NELL1: variants seen among roughly 807,000 people sequenced by gnomAD.
The protein encoded by NELL1 is neural EGFL like 1.
In NELL1, 76 loss-of-function variants were observed where a neutral mutation model predicts 107.4. The observed-to-expected ratio is 0.71, with a 90% CI of 0.59 to 0.86. NELL1 has a LOEUF of 0.86. Ranked by LOEUF, NELL1 falls within the 40% of genes least tolerant of loss-of-function variation. NELL1 has a pLI of 0.00. For missense variants in NELL1, 1,024 were observed against 1,005.5 expected (o/e 1.02, Z -0.25); for synonymous variants, 353 against 341.2 (o/e 1.03, Z -0.38).
intron 3 of NELL1, among the ~76,000 whole-genome samples, chr11:20,795,432 A>G (rs1857151352): frequency 6.6e-6 from 1 of 152,236 alleles, no homozygotes; most frequent in African/African-American, 2.4e-5. Context: ...AATAGAGTGC[A>G]TTAGCAGAGC....
At chr11:21,060,846 C>T (rs1313826927) in intron 12 of NELL1, among the ~76,000 whole-genome samples, 1 of 152,154 alleles carries the variant, frequency 6.6e-6, no homozygotes, top group Non-Finnish European at 1.5e-5. Context: ...GGATTACAGG[C>T]ATGCTCAGCC....
intron 13 of NELL1, among the ~76,000 whole-genome samples, chr11:21,174,918 C>T (rs1373964326): frequency 6.6e-6 from 1 of 151,678 alleles, no homozygotes; most frequent in Non-Finnish European, 1.5e-5. Flanking sequence ...TTCTTATTGA[C>T]ATTCAATAAG....
chr11:21,492,751 G>A (rs1420592825), intron 15 of NELL1, among the ~76,000 whole-genome samples: 9 of 115,348 alleles, frequency 7.8e-5, no homozygotes, highest in African/African-American at 2.9e-4. Context: ...GTTGTGGGGT[G>A]GGGGGAGGGG....
chr11:21,428,151 TCTAGTTGAAA>T (rs1353111200), intron 15 of NELL1, among the ~76,000 whole-genome samples: 4 of 152,192 alleles, frequency 2.6e-5, no homozygotes, highest in Non-Finnish European at 5.9e-5. Context: ...GGACAGATTT[TCTAGTTGAAA>T]CTTATTTAAG....
chr11:21,491,406 C>T (rs901093878), intron 15 of NELL1, among the ~76,000 whole-genome samples: 3 of 151,970 alleles, frequency 2.0e-5, no homozygotes, highest in Admixed American at 6.6e-5. Flanking sequence ...AGTTTCAGCT[C>T]TCTACATATG....
chr11:21,058,754 C>A (rs1406023050), intron 12 of NELL1, among the ~76,000 whole-genome samples: 1 of 152,128 alleles, frequency 6.6e-6, no homozygotes, highest in African/African-American at 2.4e-5. Flanking sequence ...AGGGCTTTAG[C>A]ACTCTAGAAT....
chr11:20,809,305 A>G (rs1239015061), intron 3 of NELL1, among the ~76,000 whole-genome samples: 1 of 152,236 alleles, frequency 6.6e-6, no homozygotes, highest in African/African-American at 2.4e-5. Flanking sequence ...ATATGTATAC[A>G]TTATGTAATT....
intron 2 of NELL1, among the ~76,000 whole-genome samples, chr11:20,710,229 A>G (rs553142412): frequency 3.2e-4 from 49 of 152,328 alleles, no homozygotes; most frequent in African/African-American, 1.0e-3. Flanking sequence ...TGTCCCTTCT[A>G]TGCCAGTTTC....
intron 12 of NELL1, among the ~76,000 whole-genome samples, chr11:20,973,641 T>C (rs1851546806): frequency 6.6e-6 from 1 of 152,238 alleles, no homozygotes; most frequent in South Asian, 2.1e-4. Context: ...TGTTAATTTC[T>C]TTCCAATTTT....
At chr11:21,377,172 G>A (rs1200374875) in intron 15 of NELL1, among the ~76,000 whole-genome samples, 1 of 151,992 alleles carries the variant, frequency 6.6e-6, no homozygotes, top group East Asian at 1.9e-4. Context: ...TATGATGTTG[G>A]CTGTGGATTT....
intron 4 of NELL1, among the ~76,000 whole-genome samples, chr11:20,856,076 T>C (rs1472622601): frequency 5.3e-5 from 8 of 152,238 alleles, no homozygotes; most frequent in African/African-American, 1.9e-4. Context: ...GATTTATAGC[T>C]GCATCTGCTC....
chr11:20,833,283 G>T (rs969055525), intron 3 of NELL1, among the ~76,000 whole-genome samples: 2 of 148,416 alleles, frequency 1.3e-5, no homozygotes, highest in Admixed American at 1.4e-4. Flanking sequence ...CTTGATAAAT[G>T]TTAGCCATTA....
At chr11:21,109,115 G>A (rs542612520) in intron 12 of NELL1, among the ~76,000 whole-genome samples, 45 of 152,202 alleles carry the variant, frequency 3.0e-4, no homozygotes, top group African/African-American at 1.1e-3. Flanking sequence ...CCGAGCCTCA[G>A]TTTCGTGGCA....
chr11:20,980,061 A>C (rs757512831), intron 12 of NELL1, among the ~76,000 whole-genome samples: 34 of 152,186 alleles, frequency 2.2e-4, no homozygotes, highest in Non-Finnish European at 3.5e-4. Flanking sequence ...TCAATGACTT[A>C]AAGTAGACAT....
chr11:21,552,031 G>A (rs533229728), intron 16 of NELL1, among the ~76,000 whole-genome samples: 33 of 145,072 alleles, frequency 2.3e-4, no homozygotes, highest in African/African-American at 7.1e-4. Flanking sequence ...GTAAACTATC[G>A]CAAGAACAAA....
chr11:21,109,662 A>G (rs1282409558), intron 12 of NELL1, among the ~76,000 whole-genome samples: 1 of 152,086 alleles, frequency 6.6e-6, no homozygotes, highest in African/African-American at 2.4e-5. Context: ...TTAGGGAGTT[A>G]TGATTTTTGT....
At chr11:21,066,482 A>G (rs751989593) in intron 12 of NELL1, among the ~76,000 whole-genome samples, 1 of 152,220 alleles carries the variant, frequency 6.6e-6, no homozygotes, top group South Asian at 2.1e-4. Context: ...AGACTTTTCA[A>G]TCCACAGCTT....
intron 3 of NELL1, among the ~76,000 whole-genome samples, chr11:20,838,496 C>T (rs117043760): frequency 0.014 from 2,097 of 151,808 alleles, 23 homozygotes; most frequent in Non-Finnish European, 0.022. Flanking sequence ...TAATTTTCTG[C>T]AAATATAAAA....
chr11:21,535,046 T>C (rs1004131486), intron 16 of NELL1, among the ~76,000 whole-genome samples: 4 of 152,198 alleles, frequency 2.6e-5, no homozygotes, highest in African/African-American at 9.6e-5. Context: ...AAGATTTGAA[T>C]TGATGCACAT....
Sources: allele counts gnomAD v4.1 joint callset (sites outside exome capture counted in the v4.1 genomes callset), GRCh38; gene constraint gnomAD v4.1.1; transcripts MANE v1.5; gene names NCBI Gene and HGNC (gene_info 2026-07-23, HGNC 2026-07-21).